FN1: variants seen among roughly 807,000 people sequenced by gnomAD.
FN1 encodes the protein fibronectin 1.
FN1 carries 106 observed loss-of-function variants against 297.3 expected under a neutral mutation model. That is an observed-to-expected ratio of 0.36 (90% CI 0.30 to 0.42). FN1 has a LOEUF of 0.42. Among genes scored for constraint, FN1 ranks in the 10% least tolerant of loss-of-function variants. The pLI, the probability that FN1 is intolerant of heterozygous loss-of-function variation, is 1.00. For synonymous variants in FN1, 1,149 were observed against 1,152.6 expected (o/e 1.00, Z 0.06); for missense variants, 2,690 against 3,124.9 (o/e 0.86, Z 3.32).
At position 215,406,409 on chromosome 2, in the gene FN1, C is replaced by T; in HGVS notation, c.2815G>A (p.Val939Met). 1 of 1,614,216 alleles carries T rather than the reference C, an allele frequency of 6.2e-7. No individual in the cohort carries two copies. The highest frequency in any genetic ancestry group is 8.5e-7 in the Non-Finnish European group (1 of 1,180,040). Residue 939 changes from valine to methionine, a missense_variant, in exon 19 of 46, where the codon GTG becomes ATG. This residue lies in a region of FN1 where 1,743 missense variants were observed against 1,945.2 expected (regional missense o/e 0.90). Transcript: ENST00000354785. ...GGCAGGTTGACGGGGATCACATCCA[C>T]ACGGTAGCCGGTCACTGCACTCTCA... is the stretch of plus-strand genomic sequence containing the variant. ...PPESAVTGYR[V>M]DVIPVNLPGE...
chr2:215,419,212 T>G, intron 12 of FN1, 30 bp downstream of exon 12: 1 of 1,610,520 alleles, frequency 6.2e-7, no homozygotes, highest in Non-Finnish European at 8.5e-7. Context: ...CAATTGGCAG[T>G]TCTCAACTTG....
chr2:215,422,172 C>T lies in FN1; in HGVS notation c.1465G>A (p.Asp489Asn). 6.2e-7 allele frequency: 1 copy of T among 1,614,146 alleles called. No homozygotes were observed. Among genetic ancestry groups the T allele is most frequent in the Middle Eastern group, 1.6e-4 (1 of 6,062 alleles). The change falls in exon 10 of 46, where the codon GAC becomes AAC. Residue 489 changes from aspartate to asparagine, a missense_variant. By Grantham distance (23) the Asp-to-Asn change is conservative (BLOSUM62 1). Coordinates refer to ENST00000354785, the MANE Select transcript of FN1 (RefSeq NM_212482.4). ...GTGCACCTCATCATGTGACCCATGT[C>T]ATGCTGCTTATCCCACTGATCTCCA... is the stretch of plus-strand genomic sequence containing the variant. ...RIGDQWDKQH[D>N]MGHMMRCTCV...
chr2:215,371,741 A>C (rs564007202), intron 40 of FN1, 168 bp downstream of exon 40: 1 of 635,938 alleles, frequency 1.6e-6, no homozygotes, highest in African/African-American at 1.8e-5. Context: ...TTGAACTCCT[A>C]ACCTCAAATG....
intron 24 of FN1, among the ~76,000 whole-genome samples, chr2:215,393,876 C>T (rs919239895): frequency 1.3e-5 from 2 of 152,190 alleles, no homozygotes; most frequent in Non-Finnish European, 2.9e-5. Flanking sequence ...CAAAGGGGGA[C>T]ACGATCTGTC....
rs540495515 is a variant in FN1 at position 215,375,632 on chromosome 2, T to G, written c.5974A>C (p.Thr1992Pro). 3 of 1,605,092 alleles carry G rather than the reference T, an allele frequency of 1.9e-6. No homozygotes were observed. The highest frequency in any genetic ancestry group is 2.6e-6 in the Non-Finnish European group (3 of 1,171,782). Residue 1992 changes from threonine (T) to proline (P), a missense_variant, in exon 37 of 46, where the codon ACT (threonine) becomes CCT (proline). Around this residue, in one of 3 missense-constraint regions of FN1, gnomAD observed 1,743 missense variants for 1,945.2 expected, o/e 0.90. Coordinates refer to ENST00000354785, the MANE Select transcript of FN1 (RefSeq NM_212482.4). The stretch of plus-strand genomic sequence containing the variant: ...CCTCAGTAGAAGGTATAGTTACCAG[T>G]GGAGGCGTCGATGACCACAGGGGAG... ...RSSPVVIDAS[T>P]AIDAPSNLRF...
In FN1 at chr2:215,420,784, C is replaced by A; in HGVS notation, c.1564G>T (p.Asp522Tyr). 6.2e-7 allele frequency: 1 copy of A among 1,613,990 alleles called. No individual in the cohort carries two copies. Among genetic ancestry groups the A allele is most frequent in the East Asian group, 2.2e-5 (1 of 44,880 alleles). Residue 522 changes from aspartate to tyrosine, a missense_variant, in exon 11 of 46, where the codon GAC (aspartate) becomes TAC (tyrosine). Physicochemically the swap from Asp to Tyr is radical, Grantham distance 160. Transcript: ENST00000354785. The stretch of plus-strand genomic sequence containing the variant: ...GTGTCGTTCACATTGTAAGTGATGT[C>A]ATCAACAATGCACTGATCTGTTTAG... The part of the protein sequence containing the change: ...SQLRDQCIVD[D>Y]ITYNVNDTFH...
chr2:215,367,465 G>A (rs2054861672), intron 42 of FN1, among the ~76,000 whole-genome samples: 1 of 152,140 alleles, frequency 6.6e-6, no homozygotes, highest in African/African-American at 2.4e-5. Context: ...GGCTGTTTTT[G>A]AGTCTAAATG....
chr2:215,379,403 T>C, intron 33 of FN1, 86 bp from the exon 34 acceptor site: 1 of 1,258,314 alleles, frequency 7.9e-7, no homozygotes, highest in Non-Finnish European at 1.2e-6. Context: ...GTAGAATGGA[T>C]TGTTCTTGTT....
At chr2:215,381,466 A>G (rs1444981550) in intron 32 of FN1, 10 of 320,470 alleles carry the variant, frequency 3.1e-5, no homozygotes, top group East Asian at 8.7e-5. Flanking sequence ...TCAAATTGTT[A>G]TAATTGTTTT....
chr2:215,407,983 C>T, intron 17 of FN1, 125 bp downstream of exon 17: 1 of 741,906 alleles, frequency 1.3e-6, no homozygotes. Context: ...CACACACAAA[C>T]CCCTCTCCCA....
chr2:215,370,554 C>CAAA, intron 40 of FN1, 122 bp from the exon 41 acceptor site: 16 of 313,430 alleles, frequency 5.1e-5, no homozygotes, highest in South Asian at 1.4e-4. Flanking sequence ...AAACAAAAAA[C>CAAA]AAAAAAAAAA....
intron 10 of FN1, 148 bp from the exon 11 acceptor site, chr2:215,420,949 A>AT (rs1443170117): frequency 1.7e-5 from 14 of 833,740 alleles, no homozygotes; most frequent in African/African-American, 1.5e-4. Context: ...ATAGAATAAC[A>AT]TTTTTTTCAA....
intron 20 of FN1, among the ~76,000 whole-genome samples, chr2:215,403,115 A>G (rs2061349555): frequency 1.3e-5 from 2 of 152,218 alleles, no homozygotes; most frequent in South Asian, 4.1e-4. Flanking sequence ...TATTTACAAG[A>G]AATATAAAGA....
intron 12 of FN1, among the ~76,000 whole-genome samples, chr2:215,417,905 A>G (rs2063670423): frequency 6.6e-6 from 1 of 152,206 alleles, no homozygotes; most frequent in Non-Finnish European, 1.5e-5. Flanking sequence ...ATCATTCAGA[A>G]GGAAATCATT....
rs2058098135 is a variant in FN1 at position 215,380,805 on chromosome 2, A to G, written c.5434+6T>C. 1.9e-6 allele frequency: 3 copies of G among 1,612,096 alleles called. No homozygotes were observed. Among genetic ancestry groups the G allele is most frequent in the South Asian group, 2.2e-5 (2 of 90,986 alleles). Reference sequence around the variant, plus strand: ...TGGGCACCTGGTGGTGCAATTAACCATATACCTGTGGACTGGGTTCCAATC... The same window carrying G: ...TGGGCACCTGGTGGTGCAATTAACCGTATACCTGTGGACTGGGTTCCAATC... On this transcript the variant is annotated splice_donor_region_variant and intron_variant, in intron 33 of 45. Transcript: ENST00000354785.
At chr2:215,401,254 GAAA>G (rs751501432) in intron 20 of FN1, among the ~76,000 whole-genome samples, 5,999 of 42,306 alleles carry the variant, frequency 0.14, 549 homozygotes, top group Middle Eastern at 0.2. Context: ...AAGAAAGGAA[GAAA>G]GAAAGGAAGG....
At chr2:215,391,875 T>C in intron 25 of FN1, 61 bp from the exon 26 acceptor site, 1 of 1,464,580 alleles carries the variant, frequency 6.8e-7, no homozygotes, top group Non-Finnish European at 9.6e-7. Context: ...GCTAACGAAG[T>C]AGCTGGAAAG....
rs76623099 is a variant in FN1 at position 215,394,865 on chromosome 2, G to T, written c.3605-146C>A. The T allele has an allele frequency of 4.8e-3, 3,308 of 688,566 alleles. 76 individuals carry two copies. The African/African-American group carries it at 0.053, about 11-fold the overall frequency. 42.7% of individuals were successfully genotyped at this position (688,566 alleles called of 1,614,324 possible). ...CCACTGTCACTGTTATTCAATGCTT[G>T]CAACAATCCTTTCAGGCAGTACTAA... is the stretch of plus-strand genomic sequence containing the variant. On this transcript the variant is annotated intron_variant, in intron 23 of 45. Transcript: ENST00000354785.
intron 43 of FN1, among the ~76,000 whole-genome samples, chr2:215,365,286 T>C (rs2054302038): frequency 6.6e-6 from 1 of 152,148 alleles, no homozygotes; most frequent in African/African-American, 2.4e-5. Flanking sequence ...GTCAAAATAC[T>C]CAGGTTGGAC....
Sources: gnomAD v4.1 joint callset for allele counts (sites outside exome capture counted in the v4.1 genomes callset) on GRCh38, gnomAD v4.1.1 for gene constraint, gnomAD v4.1.1 regional missense constraint, MANE v1.5 for transcripts, NCBI Gene and HGNC (gene_info 2026-07-23, HGNC 2026-07-21) for gene names.